EHMT1: variants seen among roughly 807,000 people sequenced by gnomAD.
The protein encoded by EHMT1 is euchromatic histone lysine methyltransferase 1, also known as histone-lysine N-methyltransferase EHMT1.
In EHMT1, 15 loss-of-function variants were observed where a neutral mutation model predicts 147.2. The ratio of observed to expected loss-of-function variants is 0.10; its 90% CI spans 0.07 to 0.16. The LOEUF (loss-of-function observed/expected upper bound fraction) is 0.16, where lower values mean the gene tolerates loss of function less well. EHMT1 is among the 10% of genes least tolerant of loss of function. The pLI, the probability that EHMT1 is intolerant of heterozygous loss-of-function variation, is 1.00. For missense variants in EHMT1, 1,587 were observed against 1,772.4 expected (o/e 0.90, Z 1.88); for synonymous variants, 795 against 709.6 (o/e 1.12, Z -1.91).
intron 18 of EHMT1, among the ~76,000 whole-genome samples, chr9:137,809,455 G>A (rs550021546): frequency 5.9e-5 from 9 of 152,320 alleles, no homozygotes; most frequent in African/African-American, 2.2e-4. Context: ...TCAAATGGAA[G>A]CAGAGCCTGC....
intron 22 of EHMT1, 85 bp from the exon 23 acceptor site, chr9:137,815,861 TG>T: frequency 8.7e-7 from 1 of 1,152,884 alleles, no homozygotes; most frequent in Non-Finnish European, 1.3e-6. Flanking sequence ...TAAGCCACAC[TG>T]GGCACTTAGT....
At chr9:137,817,992 G>A (rs1415572680) in intron 24 of EHMT1, 68 bp from the exon 25 acceptor site, 1 of 1,472,086 alleles carries the variant, frequency 6.8e-7, no homozygotes, top group African/African-American at 1.4e-5. Context: ...TGCGGAGTCT[G>A]GGCTGTGCTT....
chr9:137,709,712 G>A (rs948237139), intron 1 of EHMT1, among the ~76,000 whole-genome samples: 3 of 152,100 alleles, frequency 2.0e-5, no homozygotes, highest in Non-Finnish European at 2.9e-5. Flanking sequence ...TCAGTGCGTG[G>A]CTGGCCTCCT....
Position 137,690,376 on chromosome 9 carries a change from G to A in EHMT1, c.22-20591G>A, listed in dbSNP as rs553310894. ...CAGACAGCAGGAGGCTGAGCTTAGC[G>A]GCTCATGCTGTCATCCCAGCGCTTT... On this transcript the variant is annotated intron_variant, in intron 1 of 26. Transcript: ENST00000460843. 2.6e-5 allele frequency among the ~76,000 whole-genome samples: 4 copies of A among 151,960 alleles called. No individual in the cohort carries two copies. The East Asian group carries it at 5.8e-4, about 22-fold the overall frequency.
chr9:137,825,342 C>G (rs1351843687), intron 25 of EHMT1, among the ~76,000 whole-genome samples: 2 of 152,212 alleles, frequency 1.3e-5, no homozygotes, highest in African/African-American at 4.8e-5. Context: ...CCACTCCGAG[C>G]CACGGCCACG....
In EHMT1 at chr9:137,774,847, C is replaced by A. The variant is rs540710450; in HGVS notation, c.1648-262C>A. Among the ~76,000 whole-genome samples, 11 of 152,348 alleles carry A rather than the reference C, an allele frequency of 7.2e-5. No individual in the cohort carries two copies. The East Asian group carries it at 1.9e-3, about 27-fold the overall frequency. On this transcript the variant is annotated intron_variant, in intron 10 of 26. Coordinates refer to ENST00000460843, the MANE Select transcript of EHMT1 (RefSeq NM_024757.5). ...TGTGGTCGCGCCTGGCCCACTGGACCTGCTCATGTGCCGCTGCCTCCTGCA... is the reference window on the plus strand; with the variant it reads ...TGTGGTCGCGCCTGGCCCACTGGACATGCTCATGTGCCGCTGCCTCCTGCA...
chr9:137,650,540 T>G (rs1311347867), intron 1 of EHMT1, among the ~76,000 whole-genome samples: 1 of 152,144 alleles, frequency 6.6e-6, no homozygotes, highest in Admixed American at 6.5e-5. Flanking sequence ...TTTGTATGTC[T>G]TCTTTGTAGA....
intron 1 of EHMT1, among the ~76,000 whole-genome samples, chr9:137,698,754 CCTAT>C (rs1276544649): frequency 6.6e-6 from 1 of 152,064 alleles, no homozygotes; most frequent in Non-Finnish European, 1.5e-5. Flanking sequence ...GGTTCTTTTT[CCTAT>C]CTCTTTAAAA....
intron 1 of EHMT1, among the ~76,000 whole-genome samples, chr9:137,694,712 C>G (rs1226248805): frequency 6.6e-6 from 1 of 152,202 alleles, no homozygotes; most frequent in African/African-American, 2.4e-5. Context: ...GGAGACGCGC[C>G]TAGCACACAG....
chr9:137,745,511 T>A lies in EHMT1; in HGVS notation c.1170+1421T>A, dbSNP rs547952090. ...AAAACACAGCATCATCACCCCATTG[T>A]CCTGGTGGCTCTGGCACTCTGAAAC... On this transcript the variant is annotated intron_variant, in intron 6 of 26. Coordinates refer to ENST00000460843, the MANE Select transcript of EHMT1 (RefSeq NM_024757.5). The A allele has an allele frequency of 3.3e-4, 130 of 398,646 alleles. No homozygotes were observed. In the East Asian group the frequency reaches 4.6e-3, roughly 14 times the overall value. 24.7% of individuals were successfully genotyped at this position (398,646 alleles called of 1,614,324 possible). A position where few individuals can be genotyped will look rare whatever the true frequency, so the allele number is the denominator to read the frequency against.
At chr9:137,802,878 G>T in intron 18 of EHMT1, 1 of 1,232,228 alleles carries the variant, frequency 8.1e-7, no homozygotes, top group Non-Finnish European at 1.0e-6. Flanking sequence ...CATGAAGAGA[G>T]GAGCCCTGAG....
chr9:137,817,713 C>A, intron 24 of EHMT1, 188 bp downstream of exon 24: 1 of 726,014 alleles, frequency 1.4e-6, no homozygotes, highest in South Asian at 1.7e-5. Flanking sequence ...CTTGCTGCTG[C>A]CCGTAACCAG....
intron 15 of EHMT1, chr9:137,785,360 TGGGTGCGCTGAGCCCGTGAGGGTG>T (rs761291087): frequency 0.012 from 1,706 of 140,196 alleles, 13 homozygotes; most frequent in Middle Eastern, 0.017. Flanking sequence ...GCCATGAATG[TGGGTGCGCTGAGCCCGTGAGGGTG>T]GGGTGCGCTG....
chr9:137,798,216 G>A (rs1423491622), intron 16 of EHMT1, among the ~76,000 whole-genome samples: 2 of 152,142 alleles, frequency 1.3e-5, no homozygotes, highest in Non-Finnish European at 2.9e-5. Flanking sequence ...CCTAGGCAGT[G>A]TAGCAAGACC....
chr9:137,760,578 G>A (rs545760621), intron 9 of EHMT1, among the ~76,000 whole-genome samples: 8 of 152,310 alleles, frequency 5.3e-5, no homozygotes, highest in Admixed American at 4.6e-4. Flanking sequence ...AGTCCTTGAC[G>A]GCAGCGTGGA....
chr9:137,810,978 G>A (rs1417647201), intron 18 of EHMT1, among the ~76,000 whole-genome samples: 2 of 152,146 alleles, frequency 1.3e-5, no homozygotes. Context: ...TGGGATTACA[G>A]GCGTGAGCCA....
At position 137,775,427 on chromosome 9, in the gene EHMT1, C is replaced by T. The variant is rs1037441445; in HGVS notation, c.1791+175C>T. On this transcript the variant is annotated intron_variant, in intron 11 of 26. Transcript: ENST00000460843. This position sits in a 1 kb window ranked among gnomAD's most constrained non-coding sequence, Gnocchi z 6.1. ...AGCCCCTCACCACCCCTGTCGAGCC[C>T]CAGTGCCTTAGACACCTTCACCCCC... Among the ~76,000 whole-genome samples the T allele has an allele frequency of 6.6e-6, 1 of 151,906 alleles. No individual in the cohort carries two copies. Among genetic ancestry groups the T allele is most frequent in the African/African-American group, 2.4e-5 (1 of 41,390 alleles).
intron 1 of EHMT1, among the ~76,000 whole-genome samples, chr9:137,677,105 G>A (rs1941423959): frequency 1.3e-5 from 2 of 151,714 alleles, no homozygotes; most frequent in Non-Finnish European, 2.9e-5. Flanking sequence ...CTGGGATCAC[G>A]GACATGAGTT....
chr9:137,758,403 T>C (rs1022004539), intron 9 of EHMT1, among the ~76,000 whole-genome samples: 3 of 152,208 alleles, frequency 2.0e-5, no homozygotes, highest in Admixed American at 2.0e-4. Context: ...CTGGTCAGTG[T>C]TGAGCTGAGA....
Sources: gnomAD v4.1 joint callset for allele counts (sites outside exome capture counted in the v4.1 genomes callset) on GRCh38, gnomAD v4.1.1 for gene constraint, Gnocchi (gnomAD v3.1) non-coding constraint, MANE v1.5 for transcripts, NCBI Gene and HGNC (gene_info 2026-07-23, HGNC 2026-07-21) for gene names.